The following CHAF1A variants were observed in gnomAD, a reference collection of about 807,000 sequenced individuals.
The protein encoded by CHAF1A is CAF-1 subunit A.
A neutral mutation model predicts 93.2 loss-of-function variants in CHAF1A; 5 were observed. The ratio of observed to expected loss-of-function variants is 0.05; its 90% CI spans 0.03 to 0.11. The LOEUF (loss-of-function observed/expected upper bound fraction) is 0.11, where lower values mean the gene tolerates loss of function less well. Among genes scored for constraint, CHAF1A ranks in the 10% least tolerant of loss-of-function variants. CHAF1A has a pLI of 1.00. For missense variants in CHAF1A, 1,102 were observed against 1,259.9 expected (o/e 0.87, Z 1.90); for synonymous variants, 504 against 510.3 (o/e 0.99, Z 0.17).
intron 8 of CHAF1A, 69 bp downstream of exon 8, chr19:4,428,959 T>A: frequency 7.4e-7 from 1 of 1,351,298 alleles, no homozygotes; most frequent in Non-Finnish European, 1.0e-6. Context: ...AACCCTGGGG[T>A]CCCCGGGGTG....
intron 3 of CHAF1A, among the ~76,000 whole-genome samples, chr19:4,416,746 C>T (rs1044787703): frequency 6.6e-6 from 1 of 152,072 alleles, no homozygotes; most frequent in African/African-American, 2.4e-5. Context: ...CAAAAATTAG[C>T]CAGGTGTGGT....
intron 11 of CHAF1A, chr19:4,430,960 CAT>C (rs1974171809): frequency 3.1e-6 from 1 of 327,348 alleles, no homozygotes; most frequent in Non-Finnish European, 5.9e-6. Context: ...TGCAGCAAGA[CAT>C]GTGCATTGTA....
At chr19:4,412,660 C>T (rs559109093) in intron 3 of CHAF1A, among the ~76,000 whole-genome samples, 9 of 152,356 alleles carry the variant, frequency 5.9e-5, no homozygotes, top group Middle Eastern at 3.4e-3. Context: ...GTGGCACAAT[C>T]CTGCCCGCTT....
At chr19:4,435,612 C>T (rs904780044) in intron 13 of CHAF1A, among the ~76,000 whole-genome samples, 1 of 152,080 alleles carries the variant, frequency 6.6e-6, no homozygotes, top group East Asian at 1.9e-4. Context: ...TTAAGCAATC[C>T]CCCTGCCTTT....
chr19:4,441,866 C>T (rs1974396779), intron 13 of CHAF1A, among the ~76,000 whole-genome samples: 1 of 152,184 alleles, frequency 6.6e-6, no homozygotes, highest in South Asian at 2.1e-4. Context: ...CCACTGCACT[C>T]CAGCCTGGGC....
chr19:4,446,010 G>A, downstream of CHAF1A: 1 of 1,570,744 alleles, frequency 6.4e-7, no homozygotes, highest in Non-Finnish European at 8.6e-7. Context: ...AACCTGCAGA[G>A]GCATCGGGTC....
rs66491258 is a variant in CHAF1A, at chr19:4,411,644, C to CTTTTTT, written c.960+1901_960+1906dup. Among the ~76,000 whole-genome samples, 436 of 48,158 alleles carry CTTTTTT rather than the reference C, an allele frequency of 9.1e-3. 108 individuals carry two copies. The highest frequency in any genetic ancestry group is 0.028 in the African/African-American group (350 of 12,628). The allele number at this position is 48,158 out of a possible 152,430, so 31.6% of individuals were successfully genotyped here. On this transcript the variant is annotated intron_variant, in intron 3 of 14. Coordinates refer to ENST00000301280, the MANE Select transcript of CHAF1A (RefSeq NM_005483.3). ...GAAATGTTGTAAAAATGGTGCAAAT[C>CTTTTTT]TTTTTTTTTTTTTTTTTTTTTGAGA...
At chr19:4,406,050 T>C (rs902195090) in intron 2 of CHAF1A, 88 bp downstream of exon 2, 55 of 1,048,668 alleles carry the variant, frequency 5.2e-5, no homozygotes, top group Middle Eastern at 2.1e-4. Context: ...AGCCTGGAGC[T>C]AGAGGGGAGA....
In CHAF1A at chr19:4,409,348, A is replaced by AGAG. The variant is rs1568429895; in HGVS notation, c.557_559dup (p.Glu186dup). 1 of 1,614,102 alleles carries AGAG rather than the reference A, an allele frequency of 6.2e-7. No individual in the cohort carries two copies. The highest frequency in any genetic ancestry group is 8.5e-7 in the Non-Finnish European group (1 of 1,180,008). On this transcript the variant is annotated inframe_insertion, in exon 3 of 15. Transcript: ENST00000301280. ...CCCTTTCAGACATTCCTTGCAAAAC[A>AGAG]GAGGAGGAGGGTGTTGGCTGTGGAG... is the stretch of plus-strand genomic sequence containing the variant.
At chr19:4,445,433 GCGGGGAGAGGAA>G, downstream of CHAF1A, 1 of 1,601,650 alleles carries the variant, frequency 6.2e-7, no homozygotes, top group Non-Finnish European at 8.5e-7. Context: ...CCCTGGGGTG[GCGGGGAGAGGAA>G]CAGGGAGAGC....
downstream of CHAF1A, chr19:4,446,270 CGTT>C (rs1415171019): frequency 6.4e-6 from 10 of 1,568,868 alleles, no homozygotes; most frequent in Non-Finnish European, 3.4e-6. Context: ...CCACGGGCAT[CGTT>C]GGTGCCCACC....
At chr19:4,427,136 CTTTTTTTTTTTTTTTTTT>C (rs747750687) in intron 7 of CHAF1A, among the ~76,000 whole-genome samples, 3 of 31,948 alleles carry the variant, frequency 9.4e-5, no homozygotes, top group African/African-American at 4.4e-4. Flanking sequence ...AAGACCCTGT[CTTTTTTTTTTTTTTTTTT>C]TTTTTTTTTT....
chr19:4,423,430 C>T, intron 6 of CHAF1A, 35 bp downstream of exon 6: 1 of 1,611,824 alleles, frequency 6.2e-7, no homozygotes. Flanking sequence ...CCCGTCCCAG[C>T]CCGTTGGAGA....
chr19:4,409,428 TGAC>T lies in CHAF1A; in HGVS notation c.632_634del (p.Thr211del), dbSNP rs1196918891. On this transcript the variant is annotated inframe_deletion, in exon 3 of 15. Coordinates refer to ENST00000301280, the MANE Select transcript of CHAF1A (RefSeq NM_005483.3). ...TGTTCGCCACGGAGCTGCCCGGAGC[TGAC>T]GAGTGGCCCGAGAATGTGCCCCAGA... is the stretch of plus-strand genomic sequence containing the variant. 6.2e-7 allele frequency: 1 copy of T among 1,614,074 alleles called. No individual in the cohort carries two copies.
At chr19:4,406,002 T>G (rs376199775) in intron 2 of CHAF1A, 40 bp downstream of exon 2, 13 of 1,526,728 alleles carry the variant, frequency 8.5e-6, no homozygotes, top group Non-Finnish European at 1.1e-5. Context: ...GTTCGTAGTT[T>G]ATAGTCTTCC....
At chr19:4,427,672 C>T (rs2145119728) in intron 7 of CHAF1A, among the ~76,000 whole-genome samples, 1 of 152,320 alleles carries the variant, frequency 6.6e-6, no homozygotes. Context: ...ACTGCAACCT[C>T]TGCCTCCCAG....
At chr19:4,428,135 G>T (rs1184775976) in intron 7 of CHAF1A, among the ~76,000 whole-genome samples, 1 of 150,970 alleles carries the variant, frequency 6.6e-6, no homozygotes, top group Non-Finnish European at 1.5e-5. Flanking sequence ...TGGGATTACA[G>T]GCATGAGCCA....
chr19:4,446,461 C>G (rs1294739350), downstream of CHAF1A: 3 of 1,583,822 alleles, frequency 1.9e-6, no homozygotes, highest in Admixed American at 5.2e-5. Context: ...TTCTTCCACC[C>G]CGCCCCGCCC....
downstream of CHAF1A, among the ~76,000 whole-genome samples, chr19:4,443,545 C>T (rs1974438408): frequency 6.6e-6 from 1 of 152,222 alleles, no homozygotes; most frequent in South Asian, 2.1e-4. Context: ...AAGTCACCCT[C>T]ATACCAGGCT....
Sources: allele counts gnomAD v4.1 joint callset (sites outside exome capture counted in the v4.1 genomes callset), GRCh38; gene constraint gnomAD v4.1.1; transcripts MANE v1.5; gene names NCBI Gene and HGNC (gene_info 2026-07-23, HGNC 2026-07-21).